CSTPP1: variants seen among roughly 807,000 people sequenced by gnomAD.
The protein encoded by CSTPP1 is centriolar satellite-associated tubulin polyglutamylase complex regulator 1, also known as UPF0705 protein C11orf49.
the CSTPP1 span, among the ~76,000 whole-genome samples, chr11:47,123,887 C>T: frequency 1.3e-5 from 2 of 151,818 alleles, no homozygotes; most frequent in East Asian, 3.9e-4. Context: ...GGGAGGCGGA[C>T]GTTGCAGTGA....
the CSTPP1 span, among the ~76,000 whole-genome samples, chr11:47,014,162 C>T: frequency 1.3e-5 from 2 of 151,124 alleles, no homozygotes; most frequent in African/African-American, 4.9e-5. Flanking sequence ...CATTGTACTC[C>T]AGCCTGAGTG....
chr11:46,964,805 C>CT, the CSTPP1 span, among the ~76,000 whole-genome samples: 4 of 152,148 alleles, frequency 2.6e-5, no homozygotes, highest in Non-Finnish European at 4.4e-5. Context: ...ATCACTGAGA[C>CT]TACGAGTATT....
At chr11:47,092,145 C>T in the CSTPP1 span, among the ~76,000 whole-genome samples, 1 of 152,252 alleles carries the variant, frequency 6.6e-6, no homozygotes, top group Middle Eastern at 3.4e-3. Context: ...GTGTAAATAA[C>T]ATATTCGTAA....
At chr11:47,056,789 A>C in the CSTPP1 span, among the ~76,000 whole-genome samples, 1 of 152,202 alleles carries the variant, frequency 6.6e-6, no homozygotes, top group South Asian at 2.1e-4. Context: ...GCAAGGTTCT[A>C]AAGGAAAGGA....
the CSTPP1 span, among the ~76,000 whole-genome samples, chr11:47,068,100 C>T: frequency 1.8e-4 from 27 of 152,128 alleles, 1 homozygote; most frequent in East Asian, 4.8e-3. Flanking sequence ...TTTGATACAA[C>T]TGCTTATATC....
At chr11:47,097,568 T>G in the CSTPP1 span, among the ~76,000 whole-genome samples, 1 of 52,600 alleles carries the variant, frequency 1.9e-5, no homozygotes, top group East Asian at 7.1e-4. Context: ...AGCCGCCCCG[T>G]CCGGGAGGGA....
the CSTPP1 span, among the ~76,000 whole-genome samples, chr11:47,123,526 G>T: frequency 1.7e-4 from 26 of 152,290 alleles, no homozygotes; most frequent in African/African-American, 6.0e-4. Flanking sequence ...CAGCAGTCTT[G>T]CTCCTCTAAT....
chr11:47,025,859 A>C, the CSTPP1 span, among the ~76,000 whole-genome samples: 1,159 of 152,316 alleles, frequency 7.6e-3, 10 homozygotes, highest in Non-Finnish European at 0.013. Context: ...GATGAGCAAA[A>C]TCTTGTAAGA....
chr11:47,002,549 G>T, the CSTPP1 span, among the ~76,000 whole-genome samples: 1 of 152,068 alleles, frequency 6.6e-6, no homozygotes, highest in Non-Finnish European at 1.5e-5. Context: ...CCCTTGACTC[G>T]TTTAGAAGTC....
chr11:47,133,984 C>T, the CSTPP1 span, among the ~76,000 whole-genome samples: 1 of 152,120 alleles, frequency 6.6e-6, no homozygotes, highest in Non-Finnish European at 1.5e-5. Flanking sequence ...TGCCATCAGC[C>T]TCCCTTCTCT....
the CSTPP1 span, among the ~76,000 whole-genome samples, chr11:46,962,022 C>G: frequency 1.3e-5 from 2 of 152,148 alleles, no homozygotes; most frequent in African/African-American, 4.8e-5. Flanking sequence ...AGGAGAAGTG[C>G]TGAGCAAAAG....
At chr11:47,107,103 G>A in the CSTPP1 span, among the ~76,000 whole-genome samples, 1 of 152,222 alleles carries the variant, frequency 6.6e-6, no homozygotes, top group Non-Finnish European at 1.5e-5. Flanking sequence ...CTGTGTAGTG[G>A]AGCAGCGGAT....
chr11:47,106,606 G>A, the CSTPP1 span, among the ~76,000 whole-genome samples: 3 of 150,938 alleles, frequency 2.0e-5, no homozygotes, highest in African/African-American at 7.3e-5. Flanking sequence ...TCACACCACT[G>A]CACTCCAGCC....
At chr11:46,948,930 A>G in the CSTPP1 span, among the ~76,000 whole-genome samples, 2 of 152,304 alleles carry the variant, frequency 1.3e-5, 1 homozygote, top group South Asian at 4.1e-4. Context: ...TCCATGGTCT[A>G]GTGTTAATCT....
chr11:46,986,140 C>T, the CSTPP1 span, among the ~76,000 whole-genome samples: 1 of 152,176 alleles, frequency 6.6e-6, no homozygotes, highest in Non-Finnish European at 1.5e-5. Flanking sequence ...TTGCTTTTCA[C>T]ACTTGATAAA....
At chr11:46,972,969 A>G in the CSTPP1 span, among the ~76,000 whole-genome samples, 1 of 152,136 alleles carries the variant, frequency 6.6e-6, no homozygotes, top group Non-Finnish European at 1.5e-5. Flanking sequence ...TTTCTGCCCT[A>G]CCACTTAACA....
At chr11:47,036,264 T>TATATATTATATATTATATA in the CSTPP1 span, among the ~76,000 whole-genome samples, 10 of 32,884 alleles carry the variant, frequency 3.0e-4, 1 homozygote, top group Non-Finnish European at 4.2e-4. Context: ...TATTATATAA[T>TATATATTATATATTATATA]ATATATATTA....
chr11:47,110,282 C>T, the CSTPP1 span, among the ~76,000 whole-genome samples: 1 of 152,140 alleles, frequency 6.6e-6, no homozygotes, highest in African/African-American at 2.4e-5. Flanking sequence ...CCCTGGCATA[C>T]CTTTGACACT....
chr11:47,160,953 G>A, the CSTPP1 span: 4 of 760,770 alleles, frequency 5.3e-6, no homozygotes, highest in South Asian at 3.7e-5. Flanking sequence ...AAGCAACAGC[G>A]AGCACCTTCC....
Sources: allele counts gnomAD v4.1 joint callset (sites outside exome capture counted in the v4.1 genomes callset), GRCh38; gene constraint gnomAD v4.1.1; transcripts MANE v1.5; gene names NCBI Gene and HGNC (gene_info 2026-07-23, HGNC 2026-07-21).